Variants in WHRN observed in about 807,000 individuals in gnomAD.
The protein encoded by WHRN is whirlin.
A neutral mutation model predicts 68.3 loss-of-function variants in WHRN; 41 were observed. The ratio of observed to expected loss-of-function variants is 0.60; its 90% CI spans 0.47 to 0.78. WHRN has a LOEUF of 0.78. Among genes scored for constraint, WHRN ranks in the 30% least tolerant of loss-of-function variants. The probability of loss-of-function intolerance (pLI) is 0.00; values close to 1 mark genes in which losing one functional copy is unlikely to be tolerated. For missense variants in WHRN, 1,243 were observed against 1,244.7 expected, an observed-to-expected ratio of 1.00 and a Z score of 0.02; for synonymous variants, 560 against 561.3, an observed-to-expected ratio of 1.00 and a Z score of 0.03.
intron 3 of WHRN, among the ~76,000 whole-genome samples, chr9:114,450,913 C>T (rs911855757): frequency 2.6e-5 from 4 of 152,144 alleles, no homozygotes; most frequent in East Asian, 1.9e-4. Flanking sequence ...GAGCTAGGCC[C>T]ATGCTCTCAT....
chr9:114,435,814 G>A (rs989923811), intron 3 of WHRN, among the ~76,000 whole-genome samples: 1 of 152,122 alleles, frequency 6.6e-6, no homozygotes, highest in East Asian at 1.9e-4. Context: ...AGCAACAGAA[G>A]AGAAAAAACT....
intron 3 of WHRN, among the ~76,000 whole-genome samples, chr9:114,428,804 C>T (rs1038440052): frequency 6.6e-6 from 1 of 152,004 alleles, no homozygotes; most frequent in Non-Finnish European, 1.5e-5. Context: ...TTCAGCAAAT[C>T]CCGTCCTCCA....
intron 3 of WHRN, among the ~76,000 whole-genome samples, chr9:114,457,864 C>G (rs1033636514): frequency 2.0e-5 from 3 of 148,926 alleles, no homozygotes; most frequent in African/African-American, 7.5e-5. Context: ...TGCAGTGAGC[C>G]AAGATGGTGC....
chr9:114,438,695 C>T (rs1373646490), intron 3 of WHRN, among the ~76,000 whole-genome samples: 1 of 152,080 alleles, frequency 6.6e-6, no homozygotes, highest in Non-Finnish European at 1.5e-5. Flanking sequence ...TCATGATCCG[C>T]CCGCCTTGGC....
chr9:114,478,801 G>C, intron 1 of WHRN, 30 bp from the exon 2 acceptor site: 1 of 1,593,076 alleles, frequency 6.3e-7, no homozygotes, highest in Non-Finnish European at 8.5e-7. Flanking sequence ...AAGGTTAGAG[G>C]AAGGGAGGTG....
chr9:114,458,119 C>T (rs1033107125), intron 3 of WHRN, among the ~76,000 whole-genome samples: 7 of 152,100 alleles, frequency 4.6e-5, no homozygotes, highest in African/African-American at 1.4e-4. Context: ...AAAAATAATA[C>T]TTGCTAGTTG....
chr9:114,469,425 A>G (rs908431601), intron 2 of WHRN, among the ~76,000 whole-genome samples: 3 of 152,330 alleles, frequency 2.0e-5, no homozygotes, highest in East Asian at 1.9e-4. Context: ...AGGACGGGAC[A>G]CTGCTCCCCC....
At chr9:114,484,455 T>A (rs1056707545) in intron 1 of WHRN, among the ~76,000 whole-genome samples, 1 of 152,210 alleles carries the variant, frequency 6.6e-6, no homozygotes, top group Non-Finnish European at 1.5e-5. Flanking sequence ...AGATCACCAT[T>A]CTCCTTTCTC....
chr9:114,406,564 G>A lies in WHRN; in HGVS notation c.2027C>T (p.Pro676Leu). 1.2e-6 allele frequency: 2 copies of A among 1,611,688 alleles called. No individual in the cohort carries two copies. The highest frequency in any genetic ancestry group is 2.7e-5 in the African/African-American group (2 of 74,990). Residue 676 changes from proline (P) to leucine (L), a missense_variant, in exon 9 of 12, where the codon CCC becomes CTC. Coordinates refer to ENST00000362057, the MANE Select transcript of WHRN (RefSeq NM_015404.4). Reference sequence around the variant, plus strand: ...CTGGACCCGTGGGAAGGGGCCGATGGGGTGTTGGTTGACCAGGGCCAGATG... The same window carrying A: ...CTGGACCCGTGGGAAGGGGCCGATGAGGTGTTGGTTGACCAGGGCCAGATG... ...DAHLALVNQH[P>L]IGPFPRVQSP...
intron 1 of WHRN, among the ~76,000 whole-genome samples, chr9:114,494,789 C>T (rs1843302559): frequency 6.6e-6 from 1 of 152,182 alleles, no homozygotes; most frequent in Non-Finnish European, 1.5e-5. Flanking sequence ...TGAGTTTATA[C>T]ACGTACACTG....
chr9:114,501,318 G>C (rs376562076), intron 1 of WHRN, among the ~76,000 whole-genome samples: 12 of 152,204 alleles, frequency 7.9e-5, no homozygotes, highest in African/African-American at 2.4e-4. Context: ...TACCTTATCT[G>C]GACCTGTCAC....
At chr9:114,488,991 G>A (rs879715235) in intron 1 of WHRN, among the ~76,000 whole-genome samples, 98 of 152,128 alleles carry the variant, frequency 6.4e-4, no homozygotes, top group Admixed American at 1.3e-4. Context: ...GGGCCTGTGC[G>A]CCTGGTCCTG....
At chr9:114,425,535 G>A (rs1836748052) in intron 4 of WHRN, 1 of 273,336 alleles carries the variant, frequency 3.7e-6, no homozygotes, top group Non-Finnish European at 7.0e-6. Context: ...ATGTTGGCAA[G>A]TAACTTTGAA....
chr9:114,447,961 CAG>C (rs1401255725), intron 3 of WHRN, among the ~76,000 whole-genome samples: 1 of 152,132 alleles, frequency 6.6e-6, no homozygotes, highest in Non-Finnish European at 1.5e-5. Context: ...TCTACTGAGG[CAG>C]AGTGTACTTT....
At chr9:114,448,861 C>G (rs558129285) in intron 3 of WHRN, among the ~76,000 whole-genome samples, 1 of 152,276 alleles carries the variant, frequency 6.6e-6, no homozygotes, top group Non-Finnish European at 1.5e-5. Flanking sequence ...CCCTGCTGTG[C>G]CTTGTCACTT....
Position 114,504,733 on chromosome 9 carries a change from C to A in WHRN, c.69G>T (p.Gly23=), listed in dbSNP as rs1474453921. The change falls in exon 1 of 12, where the codon GGG becomes GGT. Residue 23 remains glycine (G), a synonymous_variant. Coordinates refer to ENST00000362057, the MANE Select transcript of WHRN (RefSeq NM_015404.4). ...SSTGSLGSAA[G]AGGGGGAGLR... is the part of the protein sequence containing the mutation. ...GCCCCGCGCCCCCGCCGCCGCCCGCCCCGGCCGCCGAGCCCAGCGAGCCGG... is the reference window on the plus strand; with the variant it reads ...GCCCCGCGCCCCCGCCGCCGCCCGCACCGGCCGCCGAGCCCAGCGAGCCGG... The A allele has an allele frequency of 6.6e-7, 1 of 1,510,876 alleles. No homozygotes were observed. Among genetic ancestry groups the A allele is most frequent in the African/African-American group, 1.4e-5 (1 of 69,990 alleles). The allele number at this position is 1,510,876 out of a possible 1,614,324, so 93.6% of individuals were successfully genotyped here. A position where few individuals can be genotyped will look rare whatever the true frequency, so the allele number is the denominator to read the frequency against.
Position 114,406,912 on chromosome 9 carries a change from GC to G in WHRN, c.1699-21del, listed in dbSNP as rs1564117246. On this transcript the variant is annotated intron_variant, in intron 8 of 11. Transcript: ENST00000362057. ...ATCATCCTGCCAAAAGACCCAACAG[GC>G]GGAGAAGGAGTCAGACCCCATCACG... is the stretch of plus-strand genomic sequence containing the variant. 6.4e-7 allele frequency: 1 copy of G among 1,557,682 alleles called. No individual in the cohort carries two copies. Among genetic ancestry groups the G allele is most frequent in the Admixed American group, 1.9e-5 (1 of 51,556 alleles).
Position 114,478,747 on chromosome 9 carries a change from C to A in WHRN, c.643G>T (p.Val215Leu), listed in dbSNP as rs375459436. ...CGCCCTGCTGAGTACACAGACAGCA[C>A]CAGCTTCTTGGAGCCCTTCAGAGCC... The part of the protein sequence containing the change: ...VKALKGSKKL[V>L]LSVYSAGRIP... The change falls in exon 2 of 12, where the codon GTG becomes TTG. Residue 215 changes from valine (V) to leucine (L), a missense_variant. By Grantham distance (32) the Val-to-Leu change is conservative. Coordinates refer to ENST00000362057, the MANE Select transcript of WHRN (RefSeq NM_015404.4). 3.1e-6 allele frequency: 5 copies of A among 1,612,250 alleles called. No homozygotes were observed. Among genetic ancestry groups the A allele is most frequent in the Non-Finnish European group, 3.4e-6 (4 of 1,179,948 alleles).
chr9:114,472,707 A>G (rs1430929216), intron 2 of WHRN, among the ~76,000 whole-genome samples: 2 of 152,224 alleles, frequency 1.3e-5, no homozygotes, highest in African/African-American at 4.8e-5. Flanking sequence ...CAGTACACAC[A>G]GCAGGCCCAT....
Sources: gnomAD v4.1 joint callset for allele counts (sites outside exome capture counted in the v4.1 genomes callset) on GRCh38, gnomAD v4.1.1 for gene constraint, MANE v1.5 for transcripts, NCBI Gene and HGNC (gene_info 2026-07-23, HGNC 2026-07-21) for gene names.